Variants in CMTM1 observed in about 807,000 individuals in gnomAD.
CMTM1 encodes CKLF like MARVEL transmembrane domain containing 1.
A neutral mutation model predicts 17.8 loss-of-function variants in CMTM1; 16 were observed. That is an observed-to-expected ratio of 0.90 (90% CI 0.61 to 1.37). CMTM1 has a LOEUF of 1.37. CMTM1 is among the 40% of genes most tolerant of loss of function. The probability of loss-of-function intolerance (pLI) is 0.00; values close to 1 mark genes in which losing one functional copy is unlikely to be tolerated. For missense variants in CMTM1, 354 were observed against 375.6 expected (o/e 0.94, Z 0.47); for synonymous variants, 169 against 154.6 (o/e 1.09, Z -0.69).
chr16:66,572,142 A>G (rs1029822145), intron 2 of CMTM1, among the ~76,000 whole-genome samples: 1 of 152,192 alleles, frequency 6.6e-6, no homozygotes, highest in Non-Finnish European at 1.5e-5. Flanking sequence ...AGCACAGCAC[A>G]GGATATGCCT....
intron 3 of CMTM1, among the ~76,000 whole-genome samples, chr16:66,577,782 T>C (rs13334307): frequency 0.051 from 7,807 of 152,214 alleles, 327 homozygotes; most frequent in East Asian, 0.12. Context: ...CTGGGACAAA[T>C]TGGGACTCAA....
At chr16:66,575,492 C>T (rs2014115193) in intron 2 of CMTM1, among the ~76,000 whole-genome samples, 1 of 152,188 alleles carries the variant, frequency 6.6e-6, no homozygotes, top group Admixed American at 6.5e-5. Context: ...ACCCATTCCA[C>T]AGAAAATGCC....
chr16:66,572,741 G>A (rs1324811808), intron 2 of CMTM1, among the ~76,000 whole-genome samples: 1 of 152,174 alleles, frequency 6.6e-6, no homozygotes. Flanking sequence ...TGGCTCCCAG[G>A]AGGTATGGGA....
chr16:66,567,296 A>G (rs1024137095), intron 1 of CMTM1: 6 of 358,794 alleles, frequency 1.7e-5, no homozygotes, highest in Middle Eastern at 9.4e-4. Context: ...TCCTAATGCT[A>G]TCCCTCCCCT....
chr16:66,570,947 C>T (rs757518793), intron 2 of CMTM1, among the ~76,000 whole-genome samples: 20 of 152,200 alleles, frequency 1.3e-4, no homozygotes, highest in Non-Finnish European at 2.4e-4. Flanking sequence ...AGCTGGGTGG[C>T]GTTTGCCATT....
At chr16:66,577,847 G>A (rs183455943) in intron 3 of CMTM1, among the ~76,000 whole-genome samples, 347 of 152,306 alleles carry the variant, frequency 2.3e-3, no homozygotes, top group South Asian at 7.3e-3. Context: ...GGGGAGGTAG[G>A]GCTTTGGTTC....
chr16:66,575,531 A>C, intron 2 of CMTM1, among the ~76,000 whole-genome samples: 1 of 152,210 alleles, frequency 6.6e-6, no homozygotes, highest in East Asian at 1.9e-4. Context: ...GCACTTCCAG[A>C]CTGGGAGAAT....
Position 66,578,972 on chromosome 16 carries a change from G to A in CMTM1, c.832G>A (p.Gly278Ser), listed in dbSNP as rs1254332004. The change falls in exon 4 of 4, where the codon GGC becomes AGC. Residue 278 changes from glycine to serine, a missense_variant. Transcript: ENST00000379500. ...CGCCAAGGACGCCTACCCCGAAACC[G>A]GCCCCGACGCCCCGCAGAGGCCCGC... Reference protein sequence around the residue: ...SPAKDAYPETGPDAPQRPA With the variant: ...SPAKDAYPETSPDAPQRPA 1.2e-6 allele frequency: 2 copies of A among 1,613,882 alleles called. No individual in the cohort carries two copies. Among genetic ancestry groups the A allele is most frequent in the East Asian group, 2.2e-5 (1 of 44,868 alleles).
rs887236642 is a variant in CMTM1 at position 66,566,823 on chromosome 16, C to T, written c.310C>T (p.Leu104Phe). 1 of 1,613,994 alleles carries T rather than the reference C, an allele frequency of 6.2e-7. No individual in the cohort carries two copies. The highest frequency in any genetic ancestry group is 8.5e-7 in the Non-Finnish European group (1 of 1,179,954). The change falls in exon 1 of 4, where the codon CTC becomes TTC. Residue 104 changes from leucine to phenylalanine, a missense_variant. Physicochemically the swap from Leu to Phe is conservative, Grantham distance 22. Transcript: ENST00000379500. This position sits in a 1 kb window ranked among gnomAD's most constrained non-coding sequence, Gnocchi z 4.9. ...PTPSAHTESK[L>F]LNEMAIKERV... ...GCCCTCTGCACACACTGAATCCAAACTCTTAAATGAGATGGCGATCAAAGA... is the reference window on the plus strand; with the variant it reads ...GCCCTCTGCACACACTGAATCCAAATTCTTAAATGAGATGGCGATCAAAGA...
chr16:66,566,517 G>T lies in CMTM1; in HGVS notation c.4G>T (p.Asp2Tyr). ...GGCCAGGCCCTAGGGACCCACCATG[G>T]ATCCTGAACACGCCAAACCTGAGTC... M[D>Y]PEHAKPESSE... Residue 2 changes from aspartate to tyrosine, a missense_variant, in exon 1 of 4, where the codon GAT becomes TAT. Transcript: ENST00000379500. The surrounding 1 kb of genome is among the most constrained non-coding windows in gnomAD (Gnocchi z 4.9). 4 of 1,601,924 alleles carry T rather than the reference G, an allele frequency of 2.5e-6. No individual in the cohort carries two copies. Among genetic ancestry groups the T allele is most frequent in the Non-Finnish European group, 3.4e-6 (4 of 1,174,048 alleles).
intron 1 of CMTM1, among the ~76,000 whole-genome samples, chr16:66,568,490 T>C (rs753585874): frequency 7.9e-5 from 12 of 152,146 alleles, no homozygotes; most frequent in Non-Finnish European, 1.0e-4. Context: ...TAATTAAATA[T>C]CAGAAGTATT....
intron 1 of CMTM1, among the ~76,000 whole-genome samples, chr16:66,568,060 T>C (rs2012863243): frequency 1.3e-5 from 2 of 152,272 alleles, no homozygotes; most frequent in South Asian, 2.1e-4. Context: ...TGTCAAAGAA[T>C]AGAGAAAGAA....
intron 2 of CMTM1, chr16:66,571,414 G>A (rs1254590021): frequency 6.0e-6 from 2 of 331,588 alleles, no homozygotes; most frequent in Admixed American, 4.5e-5. Flanking sequence ...AAGACATTCA[G>A]TTGCCAATTG....
chr16:66,568,974 T>C (rs2013071071), intron 1 of CMTM1, among the ~76,000 whole-genome samples: 1 of 152,100 alleles, frequency 6.6e-6, no homozygotes, highest in Non-Finnish European at 1.5e-5. Flanking sequence ...GGAAACAATT[T>C]AGAGCAAGAT....
chr16:66,577,288 A>G, intron 3 of CMTM1, 86 bp downstream of exon 3: 1 of 1,088,718 alleles, frequency 9.2e-7, no homozygotes, highest in Non-Finnish European at 1.4e-6. Flanking sequence ...TATATCATTA[A>G]CCAAGCAAAA....
At chr16:66,577,378 A>G (rs2014374818) in intron 3 of CMTM1, among the ~76,000 whole-genome samples, 176 bp downstream of exon 3, 2 of 152,208 alleles carry the variant, frequency 1.3e-5, no homozygotes, top group Admixed American at 6.5e-5. Context: ...GCTCATGAAA[A>G]TCTTAATTCT....
At position 66,566,769 on chromosome 16, in the gene CMTM1, C is replaced by G. The variant is rs2012456778; in HGVS notation, c.256C>G (p.Pro86Ala). Residue 86 changes from proline to alanine, a missense_variant, in exon 1 of 4, where the codon CCC becomes GCC. Pro to Ala is a conservative substitution (Grantham distance 27, BLOSUM62 -1). Coordinates refer to ENST00000379500, the MANE Select transcript of CMTM1 (RefSeq NM_052999.4). The surrounding 1 kb of genome is among the most constrained non-coding windows in gnomAD (Gnocchi z 4.9). Reference sequence around the variant, plus strand: ...CTCAAGGAAAGCCACCACACGCCCACCCCCAAAGCCCACACTCCCACCCCC... The same window carrying G: ...CTCAAGGAAAGCCACCACACGCCCAGCCCCAAAGCCCACACTCCCACCCCC... ...APSRKATTRPPPKPTLPPPTP... is the reference protein window; with the variant it reads ...APSRKATTRPAPKPTLPPPTP... The G allele has an allele frequency of 1.9e-6, 3 of 1,613,318 alleles. No individual in the cohort carries two copies. The highest frequency in any genetic ancestry group is 2.5e-6 in the Non-Finnish European group (3 of 1,179,652).
chr16:66,567,859 T>C (rs2144598355), intron 1 of CMTM1, among the ~76,000 whole-genome samples: 1 of 152,294 alleles, frequency 6.6e-6, no homozygotes, highest in African/African-American at 2.4e-5. Flanking sequence ...AATGGTTGAT[T>C]TTCCAGAATA....
At position 66,579,036 on chromosome 16, in the gene CMTM1, G is replaced by T. The variant is rs1367367119; in HGVS notation, c.*35G>T. Reference sequence around the variant, plus strand: ...GGCGCCCTAGCAGATGCACGTGTCTGTCGAATCGCTGCCTCCGAGCCCACC... The same window carrying T: ...GGCGCCCTAGCAGATGCACGTGTCTTTCGAATCGCTGCCTCCGAGCCCACC... On this transcript the variant is annotated 3_prime_UTR_variant, in exon 4 of 4. Coordinates refer to ENST00000379500, the MANE Select transcript of CMTM1 (RefSeq NM_052999.4). This position sits in a 1 kb window ranked among gnomAD's most constrained non-coding sequence, Gnocchi z 6.5. 1 of 1,604,338 alleles carries T rather than the reference G, an allele frequency of 6.2e-7. No homozygotes were observed.
Sources: allele counts gnomAD v4.1 joint callset (sites outside exome capture counted in the v4.1 genomes callset), GRCh38; gene constraint gnomAD v4.1.1; non-coding constraint Gnocchi (gnomAD v3.1); transcripts MANE v1.5; gene names NCBI Gene and HGNC (gene_info 2026-07-23, HGNC 2026-07-21).